FAM135B: variants seen among roughly 807,000 people sequenced by gnomAD.
FAM135B encodes family with sequence similarity 135 member B.
Under a neutral mutation model 127.7 loss-of-function variants are expected in FAM135B, and 43 were observed. The ratio of observed to expected loss-of-function variants is 0.34; its 90% confidence interval spans 0.26 to 0.43. FAM135B has a LOEUF of 0.43. Ranked by LOEUF, FAM135B falls within the 20% of genes least tolerant of loss-of-function variation. FAM135B has a pLI of 1.00. For synonymous variants in FAM135B, 670 were observed against 665.1 expected (o/e 1.01, Z -0.11); for missense variants, 1,558 against 1,725.6 (o/e 0.90, Z 1.72).
chr8:138,237,413 G>C (rs943692046), intron 7 of FAM135B, among the ~76,000 whole-genome samples: 2 of 151,930 alleles, frequency 1.3e-5, no homozygotes, highest in African/African-American at 2.4e-5. Flanking sequence ...TGCCCGCCTC[G>C]GCCTCCCAAA....
intron 9 of FAM135B, among the ~76,000 whole-genome samples, chr8:138,182,375 C>G (rs1214667893): frequency 6.6e-6 from 1 of 152,166 alleles, no homozygotes; most frequent in South Asian, 2.1e-4. Flanking sequence ...AAAGAGGCAG[C>G]TGCAGCCCAG....
chr8:138,241,283 G>A lies in FAM135B; in HGVS notation c.669+1659C>T, dbSNP rs183584565. 1.4e-3 allele frequency among the ~76,000 whole-genome samples: 212 copies of A among 152,256 alleles called. No homozygotes were observed. Among genetic ancestry groups the A allele is most frequent in the African/African-American group, 4.2e-3 (175 of 41,538 alleles). ...TGGGCCCTGCGTCAGTGCTAAGGAC[G>A]TCAGGTTCTGAGAAGCTCAGTGGTT... On this transcript the variant is annotated intron_variant, in intron 7 of 19. Coordinates refer to ENST00000395297, the MANE Select transcript of FAM135B (RefSeq NM_015912.4). The surrounding 1 kb of genome is among the most constrained non-coding windows in gnomAD (Gnocchi z 4.8).
At chr8:138,397,660 A>T (rs570608675) in intron 1 of FAM135B, among the ~76,000 whole-genome samples, 2 of 152,276 alleles carry the variant, frequency 1.3e-5, no homozygotes, top group East Asian at 1.9e-4. Flanking sequence ...TAGCAGTGAC[A>T]TCAAGGCTAC....
chr8:138,404,477 A>T (rs1203141655), intron 1 of FAM135B, among the ~76,000 whole-genome samples: 1 of 152,220 alleles, frequency 6.6e-6, no homozygotes, highest in Non-Finnish European at 1.5e-5. Context: ...GAAGTTTGCC[A>T]TGTCATTGGA....
intron 2 of FAM135B, among the ~76,000 whole-genome samples, chr8:138,351,225 G>T (rs1441740309): frequency 6.6e-6 from 1 of 152,174 alleles, no homozygotes; most frequent in Non-Finnish European, 1.5e-5. Flanking sequence ...TAGTACCTCA[G>T]AATGTGGCAT....
At position 138,343,018 on chromosome 8, in the gene FAM135B, T is replaced by C. The variant is rs573537867; in HGVS notation, c.77+24889A>G. Among the ~76,000 whole-genome samples, 6 of 152,386 alleles carry C rather than the reference T, an allele frequency of 3.9e-5. No homozygotes were observed. The South Asian group carries it at 1.2e-3, about 32-fold the overall frequency. On this transcript the variant is annotated intron_variant, in intron 2 of 19. Transcript: ENST00000395297. Reference sequence around the variant, plus strand: ...GTGACATTTTCTTCCTTACATTCCATGCTTCAATAGAAGTACACTGATTCT... The same window carrying C: ...GTGACATTTTCTTCCTTACATTCCACGCTTCAATAGAAGTACACTGATTCT...
In FAM135B at chr8:138,496,706, G is replaced by T; in HGVS notation, c.-55C>A. The T allele has an allele frequency of 6.5e-6, 1 of 152,750 alleles. No homozygotes were observed. The highest frequency in any genetic ancestry group is 2.0e-4 in the South Asian group (1 of 4,948). The allele number at this position is 152,750 out of a possible 1,614,324, so 9.5% of individuals were successfully genotyped here. A position where few individuals can be genotyped will look rare whatever the true frequency, so the allele number is the denominator to read the frequency against. ...TGCAGGGCTCCCCTCTCTCTCCCCCGGGGGCCGCGCTCCTGGGTCCCTCTC... is the reference window on the plus strand; with the variant it reads ...TGCAGGGCTCCCCTCTCTCTCCCCCTGGGGCCGCGCTCCTGGGTCCCTCTC... On this transcript the variant is annotated 5_prime_UTR_variant, in exon 1 of 20. Coordinates refer to ENST00000395297, the MANE Select transcript of FAM135B (RefSeq NM_015912.4).
intron 1 of FAM135B, among the ~76,000 whole-genome samples, chr8:138,407,489 G>T (rs1027720720): frequency 1.3e-5 from 2 of 152,102 alleles, no homozygotes; most frequent in Non-Finnish European, 2.9e-5. Flanking sequence ...GAGGCATCAC[G>T]CTACCTGACT....
intron 1 of FAM135B, among the ~76,000 whole-genome samples, chr8:138,416,821 T>C (rs1328334961): frequency 2.6e-5 from 4 of 151,968 alleles, no homozygotes; most frequent in Non-Finnish European, 2.9e-5. Flanking sequence ...AGGGTGCAGA[T>C]GCAAGGCTAA....
At chr8:138,379,520 A>G (rs928026387) in intron 1 of FAM135B, among the ~76,000 whole-genome samples, 3 of 152,204 alleles carry the variant, frequency 2.0e-5, no homozygotes, top group Admixed American at 6.5e-5. Context: ...ATTCAAAGAA[A>G]TCCAGCCTGG....
intron 1 of FAM135B, among the ~76,000 whole-genome samples, chr8:138,410,542 A>G (rs925434250): frequency 1.3e-5 from 2 of 152,200 alleles, no homozygotes; most frequent in African/African-American, 2.4e-5. Context: ...AATGCTCAAC[A>G]TCGCTAATCA....
At chr8:138,218,783 A>AGG (rs1279965304) in intron 7 of FAM135B, among the ~76,000 whole-genome samples, 1 of 118,850 alleles carries the variant, frequency 8.4e-6, no homozygotes, top group East Asian at 2.6e-4. Flanking sequence ...AGAGAGAGAG[A>AGG]GAGAGAGAGA....
At chr8:138,229,551 G>A (rs1371769483) in intron 7 of FAM135B, among the ~76,000 whole-genome samples, 1 of 152,144 alleles carries the variant, frequency 6.6e-6, no homozygotes, top group African/African-American at 2.4e-5. Flanking sequence ...AGTTATCACT[G>A]TGGAAAAGGC....
At chr8:138,313,842 G>A (rs1431485267) in intron 2 of FAM135B, among the ~76,000 whole-genome samples, 1 of 150,448 alleles carries the variant, frequency 6.6e-6, no homozygotes, top group Non-Finnish European at 1.5e-5. Flanking sequence ...AGCCCCAAAT[G>A]CAACACTCAC....
chr8:138,278,391 T>A lies in FAM135B; in HGVS notation c.158-12549A>T, dbSNP rs140834918. 6.2e-4 allele frequency among the ~76,000 whole-genome samples: 94 copies of A among 151,858 alleles called. 1 individual carries two copies. Among genetic ancestry groups the A allele is most frequent in the African/African-American group, 2.2e-3 (91 of 41,488 alleles). On this transcript the variant is annotated intron_variant, in intron 3 of 19. Transcript: ENST00000395297. ...CCAAGGCTTAGCCAGTTAGCTCTCG[T>A]GTCAATGAACACCTATGCCTACATC...
At chr8:138,308,207 G>A (rs761064881) in intron 3 of FAM135B, among the ~76,000 whole-genome samples, 2 of 152,190 alleles carry the variant, frequency 1.3e-5, no homozygotes, top group Non-Finnish European at 2.9e-5. Context: ...ACTGGAGACA[G>A]AAGCCCAGCT....
At chr8:138,380,967 T>C (rs1831814497) in intron 1 of FAM135B, among the ~76,000 whole-genome samples, 1 of 148,126 alleles carries the variant, frequency 6.8e-6, no homozygotes, top group African/African-American at 2.5e-5. Context: ...AACACACACA[T>C]GCACAAAAAA....
rs953024231 is a variant in FAM135B, at chr8:138,130,160, C to T, written c.*2433G>A. On this transcript the variant is annotated 3_prime_UTR_variant, in exon 20 of 20. Coordinates refer to ENST00000395297, the MANE Select transcript of FAM135B (RefSeq NM_015912.4). ...GCAGGCATTTTGTTTATAATTTTTA[C>T]AATCAATAATAGAATGTCCCTGTTT... 6.6e-6 allele frequency: 1 copy of T among 150,928 alleles called. No homozygotes were observed. The highest frequency in any genetic ancestry group is 2.4e-5 in the African/African-American group (1 of 41,184). The allele number at this position is 150,928 out of a possible 1,614,324, so 9.3% of individuals were successfully genotyped here. A position where few individuals can be genotyped will look rare whatever the true frequency, so the allele number is the denominator to read the frequency against.
At chr8:138,475,984 GATAA>G (rs1481604500) in intron 1 of FAM135B, among the ~76,000 whole-genome samples, 7 of 152,194 alleles carry the variant, frequency 4.6e-5, no homozygotes, top group African/African-American at 1.2e-4. Context: ...TGGGAGAGTG[GATAA>G]ATAAACTATG....
Sources: gnomAD v4.1 joint callset for allele counts (sites outside exome capture counted in the v4.1 genomes callset) on GRCh38, gnomAD v4.1.1 for gene constraint, Gnocchi (gnomAD v3.1) non-coding constraint, MANE v1.5 for transcripts, NCBI Gene and HGNC (gene_info 2026-07-23, HGNC 2026-07-21) for gene names.